Variants in ARSJ observed in about 807,000 individuals in gnomAD.
ARSJ encodes the protein arylsulfatase family member J.
ARSJ carries 26 observed loss-of-function variants against 35.9 expected under a neutral mutation model. The ratio of observed to expected loss-of-function variants is 0.72; its 90% CI spans 0.53 to 1.00. The LOEUF is 1.00. Among genes scored for constraint, ARSJ ranks in the 50% least tolerant of loss-of-function variants. The pLI is 0.00. For synonymous variants in ARSJ, 294 were observed against 267.6 expected (o/e 1.10, Z -0.96); for missense variants, 667 against 723.6 (o/e 0.92, Z 0.90).
intron 1 of ARSJ, among the ~76,000 whole-genome samples, chr4:113,963,070 A>T (rs982133906): frequency 4.6e-5 from 7 of 151,884 alleles, no homozygotes; most frequent in African/African-American, 1.2e-4. Context: ...GTCTTCCGTG[A>T]CCTTTGTAAT....
At chr4:113,929,507 C>T (rs1422910079) in intron 1 of ARSJ, among the ~76,000 whole-genome samples, 1 of 152,118 alleles carries the variant, frequency 6.6e-6, no homozygotes, top group African/African-American at 2.4e-5. Context: ...TCAGAGTTTA[C>T]AAACTCAGTG....
At chr4:113,957,452 C>A (rs1562369564) in intron 1 of ARSJ, among the ~76,000 whole-genome samples, 1 of 151,912 alleles carries the variant, frequency 6.6e-6, no homozygotes, top group South Asian at 2.1e-4. Context: ...AAGTAGAGAA[C>A]CTTTTATTTA....
chr4:113,975,308 C>T lies in ARSJ; in HGVS notation c.398+3129G>A, dbSNP rs186634149. 2.5e-3 allele frequency among the ~76,000 whole-genome samples: 385 copies of T among 152,218 alleles called. 2 individuals are homozygous for T. Among genetic ancestry groups the T allele is most frequent in the African/African-American group, 9.0e-3 (373 of 41,542 alleles). On this transcript the variant is annotated intron_variant, in intron 1 of 1. Transcript: ENST00000315366. ...AATGAGTAACAAAATAGTAAAAACA[C>T]AAAATTACTATCAAAGATACAAATT... is the stretch of plus-strand genomic sequence containing the variant.
chr4:113,926,718 G>C (rs532672315), intron 1 of ARSJ, among the ~76,000 whole-genome samples: 1 of 152,186 alleles, frequency 6.6e-6, no homozygotes, highest in Non-Finnish European at 1.5e-5. Flanking sequence ...TTTATGGGTA[G>C]ATGGGTCAGA....
chr4:113,903,630 G>C lies in ARSJ; in HGVS notation c.444C>G (p.Thr148=). ...TGTCCAGAGGTAAACAGTTGGGTTG[G>C]GTAGGTCTTATGATAGAATGTTGAA... is the stretch of plus-strand genomic sequence containing the variant. The part of the protein sequence containing the change: ...TGLQHSIIRP[T]QPNCLPLDNA... The change falls in exon 2 of 2, where the codon ACC becomes ACG. Residue 148 remains threonine (T), a synonymous_variant. Transcript: ENST00000315366. 1 of 1,614,016 alleles carries C rather than the reference G, an allele frequency of 6.2e-7. No homozygotes were observed. The highest frequency in any genetic ancestry group is 8.5e-7 in the Non-Finnish European group (1 of 1,179,952).
chr4:113,920,013 G>C (rs1396153766), intron 1 of ARSJ, among the ~76,000 whole-genome samples: 1 of 151,742 alleles, frequency 6.6e-6, no homozygotes, highest in East Asian at 1.9e-4. Flanking sequence ...TCCTTCTTGT[G>C]TATTGTATAC....
In ARSJ at chr4:113,969,728, A is replaced by T. The variant is rs137894624; in HGVS notation, c.398+8709T>A. Among the ~76,000 whole-genome samples, 3 of 152,342 alleles carry T rather than the reference A, an allele frequency of 2.0e-5. No individual in the cohort carries two copies. In the East Asian group the frequency reaches 5.8e-4, roughly 29 times the overall value. On this transcript the variant is annotated intron_variant, in intron 1 of 1. Transcript: ENST00000315366. ...GTACTGTAATTCAGATTTCCTTACTATAAATTATATGCTATTTCTTCTCAA... is the reference window on the plus strand; with the variant it reads ...GTACTGTAATTCAGATTTCCTTACTTTAAATTATATGCTATTTCTTCTCAA...
chr4:113,924,076 A>AATTAT (rs1723883236), intron 1 of ARSJ, among the ~76,000 whole-genome samples: 2 of 95,740 alleles, frequency 2.1e-5, no homozygotes, highest in African/African-American at 9.5e-5. Context: ...AATATATATA[A>AATTAT]ATATATATAT....
At chr4:113,934,052 G>A (rs1284788996) in intron 1 of ARSJ, among the ~76,000 whole-genome samples, 5 of 151,726 alleles carry the variant, frequency 3.3e-5, no homozygotes, top group African/African-American at 7.2e-5. Flanking sequence ...TGCAGGACAC[G>A]AAATTAAGAT....
chr4:113,957,058 A>G (rs1031550954), intron 1 of ARSJ, among the ~76,000 whole-genome samples: 11 of 152,078 alleles, frequency 7.2e-5, no homozygotes, highest in African/African-American at 2.4e-4. Context: ...ATTGTCCTAA[A>G]TTAGAGGGTG....
intron 1 of ARSJ, among the ~76,000 whole-genome samples, chr4:113,913,405 C>CTT (rs34687282): frequency 0.71 from 107,264 of 151,602 alleles, 38,708 homozygotes; most frequent in East Asian, 0.81. Context: ...ACTAGATAGT[C>CTT]TTCCCTGACT....
chr4:113,957,642 T>G (rs1376613199), intron 1 of ARSJ, among the ~76,000 whole-genome samples: 4 of 152,072 alleles, frequency 2.6e-5, no homozygotes, highest in African/African-American at 7.2e-5. Flanking sequence ...GCACAACATT[T>G]ACTTTCATAG....
At chr4:113,955,725 C>G (rs1726138979) in intron 1 of ARSJ, among the ~76,000 whole-genome samples, 1 of 152,042 alleles carries the variant, frequency 6.6e-6, no homozygotes, top group Admixed American at 6.6e-5. Context: ...GTAAAGTGAT[C>G]TAGTTAAGAG....
At chr4:113,916,793 T>C in intron 1 of ARSJ, among the ~76,000 whole-genome samples, 1 of 152,208 alleles carries the variant, frequency 6.6e-6, no homozygotes, top group Non-Finnish European at 1.5e-5. Flanking sequence ...TCTTTAAATG[T>C]CTATGGAGGA....
At chr4:113,954,769 G>C (rs1354310562) in intron 1 of ARSJ, among the ~76,000 whole-genome samples, 1 of 152,082 alleles carries the variant, frequency 6.6e-6, no homozygotes. Flanking sequence ...TCTTATAAAA[G>C]TTGGGCTGTT....
Position 113,978,548 on chromosome 4 carries a change from G to T in ARSJ, c.287C>A (p.Ser96Tyr). The change falls in exon 1 of 2, where the codon TCT (serine) becomes TAT (tyrosine). Residue 96 changes from serine (S) to tyrosine (Y), a missense_variant. Transcript: ENST00000315366. Reference protein sequence around the residue: ...QGFRDVGYHGSEIKTPTLDKL... With the variant: ...QGFRDVGYHGYEIKTPTLDKL... ...GTCAAGAGTAGGTGTTTTAATCTCAGATCCGTGGTAACCCACATCTCTAAA... is the reference window on the plus strand; with the variant it reads ...GTCAAGAGTAGGTGTTTTAATCTCATATCCGTGGTAACCCACATCTCTAAA... 1 of 1,614,212 alleles carries T rather than the reference G, an allele frequency of 6.2e-7. No individual in the cohort carries two copies. The highest frequency in any genetic ancestry group is 1.1e-5 in the South Asian group (1 of 91,084).
intron 1 of ARSJ, among the ~76,000 whole-genome samples, chr4:113,938,647 T>A (rs1476699489): frequency 2.6e-5 from 4 of 151,844 alleles, no homozygotes; most frequent in Non-Finnish European, 5.9e-5. Context: ...CCATCTGTAA[T>A]GGTGTAATAT....
chr4:113,912,296 A>G (rs1005325077), intron 1 of ARSJ, among the ~76,000 whole-genome samples: 2 of 152,208 alleles, frequency 1.3e-5, no homozygotes, highest in African/African-American at 4.8e-5. Context: ...AGAGTTTTAG[A>G]GTCAACTGCA....
chr4:113,978,550 T>G lies in ARSJ; in HGVS notation c.285A>C (p.Gly95=), dbSNP rs950233481. ...DQGFRDVGYH[G]SEIKTPTLDK... is the part of the protein sequence containing the mutation. ...CAAGAGTAGGTGTTTTAATCTCAGATCCGTGGTAACCCACATCTCTAAATC... is the reference window on the plus strand; with the variant it reads ...CAAGAGTAGGTGTTTTAATCTCAGAGCCGTGGTAACCCACATCTCTAAATC... Residue 95 remains glycine, a synonymous_variant, in exon 1 of 2, where the codon GGA becomes GGC. Coordinates refer to ENST00000315366, the MANE Select transcript of ARSJ (RefSeq NM_024590.4). 5 of 1,614,104 alleles carry G rather than the reference T, an allele frequency of 3.1e-6. No individual in the cohort carries two copies. In the African/African-American group the frequency reaches 5.3e-5, roughly 17 times the overall value.
Sources: gnomAD v4.1 joint callset for allele counts (sites outside exome capture counted in the v4.1 genomes callset) on GRCh38, gnomAD v4.1.1 for gene constraint, MANE v1.5 for transcripts, NCBI Gene and HGNC (gene_info 2026-07-23, HGNC 2026-07-21) for gene names.